Variants in PPP2R5C observed in about 807,000 individuals in gnomAD.
The protein encoded by PPP2R5C is protein phosphatase 2 regulatory subunit B'gamma.
A neutral mutation model predicts 68.9 loss-of-function variants in PPP2R5C; 7 were observed. The observed-to-expected ratio is 0.10, with a 90% CI of 0.06 to 0.19. The LOEUF is 0.19. Among genes scored for constraint, PPP2R5C ranks in the 10% least tolerant of loss-of-function variants. PPP2R5C has a pLI of 1.00. For synonymous variants in PPP2R5C, 210 were observed against 222.2 expected, an observed-to-expected ratio of 0.95 and a Z score of 0.49; for missense variants, 348 against 641.3, an observed-to-expected ratio of 0.54 and a Z score of 4.94.
intron 1 of PPP2R5C, among the ~76,000 whole-genome samples, chr14:101,810,876 T>A (rs2039319915): frequency 6.6e-6 from 1 of 152,236 alleles, no homozygotes; most frequent in Non-Finnish European, 1.5e-5. Flanking sequence ...ATTCTTGGTA[T>A]TTTAAGATAT....
At chr14:101,829,010 C>T (rs1595293017) in intron 1 of PPP2R5C, among the ~76,000 whole-genome samples, 1 of 152,272 alleles carries the variant, frequency 6.6e-6, no homozygotes, top group South Asian at 2.1e-4. Context: ...ACCTCAAAAA[C>T]TATGTTTTCC....
At chr14:101,787,994 T>C (rs1383212536) in intron 3 of PPP2R5C, among the ~76,000 whole-genome samples, 1 of 152,164 alleles carries the variant, frequency 6.6e-6, no homozygotes, top group East Asian at 1.9e-4. Context: ...GGTACAGAAT[T>C]ACACAAAACC....
At chr14:101,874,820 A>G (rs898968102) in intron 2 of PPP2R5C, among the ~76,000 whole-genome samples, 3 of 151,946 alleles carry the variant, frequency 2.0e-5, no homozygotes, top group African/African-American at 7.3e-5. Context: ...GCTCACTGCA[A>G]CCTCCACCTC....
intron 1 of PPP2R5C, chr14:101,823,707 G>C: frequency 2.0e-6 from 2 of 991,164 alleles, no homozygotes; most frequent in Non-Finnish European, 2.4e-6. Flanking sequence ...TGGTGACAGA[G>C]ACCAGATACC....
chr14:101,779,015 G>A (rs2140013683), intron 2 of PPP2R5C, among the ~76,000 whole-genome samples: 1 of 152,270 alleles, frequency 6.6e-6, no homozygotes, highest in Non-Finnish European at 1.5e-5. Flanking sequence ...AGCTGTGGTT[G>A]TGCAATTGCA....
At chr14:101,796,829 T>G (rs1439588018) in intron 3 of PPP2R5C, 1 of 248,764 alleles carries the variant, frequency 4.0e-6, no homozygotes, top group Non-Finnish European at 8.1e-6. Flanking sequence ...GTCCTCTGTC[T>G]GGTCCAGCGC....
intron 5 of PPP2R5C, chr14:101,889,971 C>T (rs773449796): frequency 3.5e-6 from 2 of 564,130 alleles, no homozygotes; most frequent in Admixed American, 2.2e-5. Flanking sequence ...GAATTCTTTC[C>T]GTTTTCCTAG....
intron 3 of PPP2R5C, among the ~76,000 whole-genome samples, chr14:101,795,512 C>CT (rs904644009): frequency 9.8e-4 from 144 of 147,656 alleles, no homozygotes; most frequent in African/African-American, 3.2e-3. Context: ...ATAAAGAGAC[C>CT]TTTTTTTTTT....
At position 101,879,835 on chromosome 14, in the gene PPP2R5C, A is replaced by C. The variant is rs2044042216; in HGVS notation, c.295-2326A>C. Among the ~76,000 whole-genome samples the C allele has an allele frequency of 6.6e-6, 1 of 152,238 alleles. No individual in the cohort carries two copies. Among genetic ancestry groups the C allele is most frequent in the Non-Finnish European group, 1.5e-5 (1 of 68,040 alleles). ...TCAGACTTTCCTTTCTCTGCCCTTC[A>C]TGGCCCTGGAAGTTATGGAGAGCTT... On this transcript the variant is annotated intron_variant, in intron 2 of 13. Coordinates refer to ENST00000334743, the Ensembl canonical transcript of PPP2R5C. The surrounding 1 kb of genome is among the most constrained non-coding windows in gnomAD (Gnocchi z 4.2).
intron 2 of PPP2R5C, among the ~76,000 whole-genome samples, chr14:101,863,256 C>A (rs932918065): frequency 1.3e-4 from 20 of 151,512 alleles, no homozygotes; most frequent in African/African-American, 4.9e-4. Flanking sequence ...TGTAGCGAGC[C>A]GAGATTGAGC....
intron 1 of PPP2R5C, 137 bp from the exon 2 acceptor site, chr14:101,762,768 G>T: frequency 1.4e-6 from 1 of 731,398 alleles, no homozygotes; most frequent in East Asian, 2.7e-5. Flanking sequence ...GTATGATATA[G>T]AATTTCCTAA....
chr14:101,786,305 A>T (rs1595161275), intron 3 of PPP2R5C, 122 bp downstream of exon 3: 5 of 844,310 alleles, frequency 5.9e-6, no homozygotes, highest in Non-Finnish European at 8.5e-6. Flanking sequence ...TCTTTTCTGT[A>T]TTGAGGGGTT....
At chr14:101,896,966 T>C (rs891248502) in intron 8 of PPP2R5C, among the ~76,000 whole-genome samples, 2 of 152,234 alleles carry the variant, frequency 1.3e-5, no homozygotes, top group African/African-American at 4.8e-5. Flanking sequence ...TTAAATTCTA[T>C]GTGTAGATTC....
chr14:101,819,270 G>C (rs2039903848), intron 1 of PPP2R5C: 2 of 552,392 alleles, frequency 3.6e-6, no homozygotes, highest in South Asian at 5.1e-5. Context: ...GCATGGAGCA[G>C]TGTTCACCCT....
chr14:101,760,610 G>A, upstream of PPP2R5C: 3 of 775,716 alleles, frequency 3.9e-6, no homozygotes, highest in Non-Finnish European at 4.7e-6. Context: ...GGAAAGGACG[G>A]GACTGTCGGG....
chr14:101,761,051 GGGAGGGGAGT>G (rs2036493019), upstream of PPP2R5C, among the ~76,000 whole-genome samples: 1 of 124,772 alleles, frequency 8.0e-6, no homozygotes, highest in Non-Finnish European at 1.7e-5. Context: ...GGGGACGGAG[GGGAGGGGAGT>G]GGAGGGAGAG....
At chr14:101,875,601 T>C (rs1200933473) in intron 2 of PPP2R5C, among the ~76,000 whole-genome samples, 2 of 152,330 alleles carry the variant, frequency 1.3e-5, no homozygotes, top group Admixed American at 1.3e-4. Context: ...CTGGGATTGC[T>C]GTGCATTTAT....
chr14:101,787,342 A>T (rs1273027871), intron 3 of PPP2R5C, among the ~76,000 whole-genome samples: 1 of 152,088 alleles, frequency 6.6e-6, no homozygotes, highest in Admixed American at 6.5e-5. Context: ...TGTAAAGCAG[A>T]TAGCAGATTT....
chr14:101,901,355 G>GT (rs1259606603), intron 8 of PPP2R5C, among the ~76,000 whole-genome samples: 1 of 152,092 alleles, frequency 6.6e-6, no homozygotes, highest in Non-Finnish European at 1.5e-5. Context: ...CTAAAATTGT[G>GT]TAATTTCTGA....
Sources: allele counts gnomAD v4.1 joint callset (sites outside exome capture counted in the v4.1 genomes callset), GRCh38; gene constraint gnomAD v4.1.1; non-coding constraint Gnocchi (gnomAD v3.1); transcripts MANE v1.5; gene names NCBI Gene and HGNC (gene_info 2026-07-23, HGNC 2026-07-21).